The following GRIK4 variants were observed in gnomAD, a reference collection of about 807,000 sequenced individuals.
GRIK4 encodes glutamate ionotropic receptor kainate type subunit 4.
A neutral mutation model predicts 104.9 loss-of-function variants in GRIK4; 40 were observed. That is an observed-to-expected ratio of 0.38 (90% CI 0.30 to 0.50). The LOEUF is 0.50. GRIK4 is among the 20% of genes least tolerant of loss of function. The pLI, the probability that GRIK4 is intolerant of heterozygous loss-of-function variation, is 0.93. For synonymous variants in GRIK4, 485 were observed against 524.9 expected, an observed-to-expected ratio of 0.92 and a Z score of 1.04; for missense variants, 1,047 against 1,308.1, an observed-to-expected ratio of 0.80 and a Z score of 3.08.
chr11:120,576,405 G>A (rs1948484513), intron 1 of GRIK4: 1 of 152,152 alleles, frequency 6.6e-6, no homozygotes, highest in South Asian at 2.1e-4. Context: ...TAGACTTCAG[G>A]AAGACCCCCC....
At chr11:120,516,446 C>T (rs771273533) in intron 1 of GRIK4, among the ~76,000 whole-genome samples, 14 of 151,984 alleles carry the variant, frequency 9.2e-5, no homozygotes, top group Non-Finnish European at 1.9e-4. Context: ...AGAAGAGTCC[C>T]GTGTGCAGCA....
intron 3 of GRIK4, among the ~76,000 whole-genome samples, chr11:120,756,737 GT>G (rs1294069450): frequency 6.6e-6 from 1 of 152,228 alleles, no homozygotes; most frequent in East Asian, 1.9e-4. Flanking sequence ...ACTCCTGGAT[GT>G]TTTTATTATT....
chr11:120,802,830 G>A lies in GRIK4; in HGVS notation c.220G>A (p.Asp74Asn), dbSNP rs921607388. 4 of 1,614,100 alleles carry A rather than the reference G, an allele frequency of 2.5e-6. No homozygotes were observed. The African/African-American group carries it at 5.3e-5, about 22-fold the overall frequency. ...VEVDIFELLR[D>N]SEYETAETMC... ...AGTGGACATCTTTGAGCTTCTCAGAGACAGCGAGTACGAGACTGCAGAAAC... is the reference window on the plus strand; with the variant it reads ...AGTGGACATCTTTGAGCTTCTCAGAAACAGCGAGTACGAGACTGCAGAAAC... The change falls in exon 4 of 21, where the codon GAC becomes AAC. Residue 74 changes from aspartate (D) to asparagine (N), a missense_variant. This residue lies in a region of GRIK4 where 447 missense variants were observed against 514.9 expected (regional missense o/e 0.87). Transcript: ENST00000527524.
At chr11:120,977,728 G>A (rs959016421) in intron 19 of GRIK4, among the ~76,000 whole-genome samples, 3 of 152,196 alleles carry the variant, frequency 2.0e-5, no homozygotes, top group Admixed American at 1.3e-4. Flanking sequence ...ACTATGGGGT[G>A]TTTCAGTGAC....
In GRIK4 at chr11:120,678,193, C is replaced by T. The variant is rs61902674; in HGVS notation, c.82+17793C>T. Among the ~76,000 whole-genome samples, 29 of 152,234 alleles carry T rather than the reference C, an allele frequency of 1.9e-4. No homozygotes were observed. In the East Asian group the frequency reaches 5.0e-3, roughly 26 times the overall value. ...TGCCCAAGACCCATGGGACAACCTC[C>T]GTTTCTTTAGGGCAGACCCCACACC... On this transcript the variant is annotated intron_variant, in intron 3 of 20. Transcript: ENST00000527524.
chr11:120,660,350 T>C lies in GRIK4; in HGVS notation c.32T>C (p.Leu11Pro). The change falls in exon 3 of 21, where the codon CTT becomes CCT. Residue 11 changes from leucine to proline, a missense_variant. Around this residue, in one of 3 missense-constraint regions of GRIK4, gnomAD observed 447 missense variants for 514.9 expected, o/e 0.87. Transcript: ENST00000527524. MPRVSAPLVL[L>P]PAWLVMVACS... ...CGCGTCTCGGCGCCTTTGGTGCTGC[T>C]TCCTGCGTGGCTCGTGATGGTCGCC... The C allele has an allele frequency of 6.2e-7, 1 of 1,613,538 alleles. No individual in the cohort carries two copies. The highest frequency in any genetic ancestry group is 8.5e-7 in the Non-Finnish European group (1 of 1,179,982).
chr11:120,681,439 G>A (rs2135287463), intron 3 of GRIK4, among the ~76,000 whole-genome samples: 1 of 152,308 alleles, frequency 6.6e-6, no homozygotes. Context: ...AACAGGTGCT[G>A]CGCCTTTAGC....
At chr11:120,653,570 C>G (rs1949651591) in intron 1 of GRIK4, 115 bp from the exon 2 acceptor site, 1 of 152,182 alleles carries the variant, frequency 6.6e-6, no homozygotes, top group Non-Finnish European at 1.5e-5. Flanking sequence ...GAAATCGTAC[C>G]TAGATTGTAA....
chr11:120,702,065 C>T (rs1011511431), intron 3 of GRIK4, among the ~76,000 whole-genome samples: 28 of 146,260 alleles, frequency 1.9e-4, no homozygotes, highest in Non-Finnish European at 1.5e-4. Flanking sequence ...AAGCAATTGT[C>T]TTGCCTCAGC....
chr11:120,633,311 G>A (rs1949354011), intron 1 of GRIK4, among the ~76,000 whole-genome samples: 1 of 152,170 alleles, frequency 6.6e-6, no homozygotes, highest in South Asian at 2.1e-4. Context: ...TGAGTGCAGG[G>A]CCAGGCCTCA....
chr11:120,921,720 C>T (rs1943232426), intron 13 of GRIK4, among the ~76,000 whole-genome samples: 1 of 152,094 alleles, frequency 6.6e-6, no homozygotes, highest in Non-Finnish European at 1.5e-5. Flanking sequence ...TTTAAGCATC[C>T]CTTGCCCTCC....
intron 1 of GRIK4, among the ~76,000 whole-genome samples, chr11:120,512,193 T>C (rs1346783157): frequency 6.6e-6 from 1 of 150,822 alleles, no homozygotes; most frequent in Non-Finnish European, 1.5e-5. Flanking sequence ...TCTCCCTCCC[T>C]CCGCATCCCT....
At chr11:120,973,670 T>C (rs564612808) in intron 19 of GRIK4, among the ~76,000 whole-genome samples, 169 of 152,312 alleles carry the variant, frequency 1.1e-3, no homozygotes, top group African/African-American at 3.9e-3. Context: ...GGTGGCCCCA[T>C]TTGTGCCATG....
chr11:120,774,982 G>A (rs1046536398), intron 3 of GRIK4, among the ~76,000 whole-genome samples: 1 of 152,186 alleles, frequency 6.6e-6, no homozygotes, highest in African/African-American at 2.4e-5. Flanking sequence ...GCTAGGCACA[G>A]AGAGGTGTGT....
rs112770882 is a variant in GRIK4, at chr11:120,580,010, A to G, written c.-159+68123A>G. On this transcript the variant is annotated intron_variant, in intron 1 of 20. Coordinates refer to ENST00000527524, the MANE Select transcript of GRIK4 (RefSeq NM_014619.5). ...CTGAGTCTGGCTTCTTCCACTTGGC[A>G]TAATGTATTTGAGATTTATCCATGT... Among the ~76,000 whole-genome samples the G allele has an allele frequency of 4.8e-3, 725 of 152,272 alleles. 1 individual carries two copies. Among genetic ancestry groups the G allele is most frequent in the Non-Finnish European group, 7.7e-3 (524 of 68,030 alleles).
At chr11:120,748,877 G>A (rs2852226) in intron 3 of GRIK4, among the ~76,000 whole-genome samples, 7,711 of 152,248 alleles carry the variant, frequency 0.051, 330 homozygotes, top group African/African-American at 0.12. Flanking sequence ...AGGGAAATCT[G>A]CCTGTTGTTC....
chr11:120,986,316 G>C lies in GRIK4; in HGVS notation c.*56G>C, dbSNP rs1381030518. The C allele has an allele frequency of 1.4e-6, 2 of 1,421,526 alleles. No homozygotes were observed. Among genetic ancestry groups the C allele is most frequent in the Non-Finnish European group, 1.8e-6 (2 of 1,093,516 alleles). 88.1% of individuals were successfully genotyped at this position (1,421,526 alleles called of 1,614,324 possible). A position where few individuals can be genotyped will look rare whatever the true frequency, so the allele number is the denominator to read the frequency against. ...GGCGGGGCGGGAGGGGAGGGGCGGG[G>C]CGGGCGCTGCTGTCAGCCGCCAGCC... On this transcript the variant is annotated 3_prime_UTR_variant, in exon 21 of 21. Coordinates refer to ENST00000527524, the MANE Select transcript of GRIK4 (RefSeq NM_014619.5).
chr11:120,781,490 A>T (rs1003254901), intron 3 of GRIK4, among the ~76,000 whole-genome samples: 2 of 152,182 alleles, frequency 1.3e-5, no homozygotes, highest in Non-Finnish European at 2.9e-5. Flanking sequence ...TGCTGGGACC[A>T]CAGGCAAGTG....
chr11:120,838,968 G>A (rs1367472206), intron 8 of GRIK4, among the ~76,000 whole-genome samples: 7 of 152,060 alleles, frequency 4.6e-5, no homozygotes. Context: ...TGTATTTTTA[G>A]TAGAGACGGC....
Sources: allele counts gnomAD v4.1 joint callset (sites outside exome capture counted in the v4.1 genomes callset), GRCh38; gene constraint gnomAD v4.1.1; regional missense constraint gnomAD v4.1.1; transcripts MANE v1.5; gene names NCBI Gene and HGNC (gene_info 2026-07-23, HGNC 2026-07-21).